PPM1H: variants seen among roughly 807,000 people sequenced by gnomAD.
PPM1H encodes protein phosphatase 1H.
A neutral mutation model predicts 54.9 loss-of-function variants in PPM1H; 27 were observed. The ratio of observed to expected loss-of-function variants is 0.49; its 90% CI spans 0.36 to 0.68. PPM1H has a LOEUF of 0.68. Ranked by LOEUF, PPM1H falls within the 30% of genes least tolerant of loss-of-function variation. PPM1H has a pLI of 0.00. For missense variants in PPM1H, 596 were observed against 667.8 expected, an observed-to-expected ratio of 0.89 and a Z score of 1.19; for synonymous variants, 305 against 270.8, an observed-to-expected ratio of 1.13 and a Z score of -1.24.
At chr12:62,669,404 T>C (rs531463253) in intron 8 of PPM1H, among the ~76,000 whole-genome samples, 2 of 152,316 alleles carry the variant, frequency 1.3e-5, no homozygotes, top group East Asian at 3.9e-4. Context: ...TACAATTCAG[T>C]TCCGGGTGGG....
chr12:62,797,739 A>G (rs1055273575), intron 3 of PPM1H, among the ~76,000 whole-genome samples: 3 of 152,222 alleles, frequency 2.0e-5, no homozygotes, highest in Middle Eastern at 3.2e-3. Context: ...TGTGCTGTGG[A>G]TTCTGAAGCT....
At chr12:62,705,475 G>T (rs1259130015) in intron 6 of PPM1H, among the ~76,000 whole-genome samples, 1 of 152,174 alleles carries the variant, frequency 6.6e-6, no homozygotes, top group Non-Finnish European at 1.5e-5. Context: ...TGATTCGTAG[G>T]CTGAGTTCAG....
intron 4 of PPM1H, among the ~76,000 whole-genome samples, chr12:62,760,437 C>T (rs12579963): frequency 0.16 from 23,638 of 152,092 alleles, 2,244 homozygotes; most frequent in African/African-American, 0.27. Flanking sequence ...TCGCTCCCTG[C>T]CAGGTTGAAT....
chr12:62,796,730 TC>T (rs1478905305), intron 3 of PPM1H, among the ~76,000 whole-genome samples: 1 of 152,194 alleles, frequency 6.6e-6, no homozygotes, highest in East Asian at 1.9e-4. Context: ...TCAGCCCTTC[TC>T]CCCTCTCATG....
Position 62,832,311 on chromosome 12 carries a change from A to C in PPM1H, c.246-32T>G, listed in dbSNP as rs1266863396. On this transcript the variant is annotated intron_variant, in intron 1 of 9. Coordinates refer to ENST00000228705, the MANE Select transcript of PPM1H (RefSeq NM_020700.2). ...AAGAAGCCGGAAAAGCTGGTCAGACAGACCGATAAAGCTGAGGGCACAGTC... is the reference window on the plus strand; with the variant it reads ...AAGAAGCCGGAAAAGCTGGTCAGACCGACCGATAAAGCTGAGGGCACAGTC... 4.4e-6 allele frequency: 7 copies of C among 1,575,590 alleles called. No homozygotes were observed. In the Admixed American group the frequency reaches 7.3e-5, roughly 17 times the overall value.
At chr12:62,799,669 G>C (rs911756986) in intron 3 of PPM1H, among the ~76,000 whole-genome samples, 1 of 152,086 alleles carries the variant, frequency 6.6e-6, no homozygotes, top group Non-Finnish European at 1.5e-5. Context: ...CAGCCTCCTG[G>C]TATTTTCATT....
chr12:62,830,463 G>T (rs1868340174), intron 2 of PPM1H, among the ~76,000 whole-genome samples: 1 of 152,110 alleles, frequency 6.6e-6, no homozygotes, highest in South Asian at 2.1e-4. Flanking sequence ...CACTGTGTTA[G>T]CCAGGATGGT....
chr12:62,744,997 A>G (rs2076402220), intron 4 of PPM1H, among the ~76,000 whole-genome samples: 1 of 152,086 alleles, frequency 6.6e-6, no homozygotes, highest in African/African-American at 2.4e-5. Flanking sequence ...TCCTATGGGG[A>G]AAAATGGAAG....
chr12:62,707,222 T>C (rs996951923), intron 6 of PPM1H, among the ~76,000 whole-genome samples: 2 of 152,176 alleles, frequency 1.3e-5, no homozygotes, highest in African/African-American at 4.8e-5. Flanking sequence ...GCCTGGACTA[T>C]CCAGGTTATG....
At chr12:62,889,851 G>A (rs918615153) in intron 1 of PPM1H, among the ~76,000 whole-genome samples, 22 of 152,110 alleles carry the variant, frequency 1.4e-4, no homozygotes, top group African/African-American at 2.9e-4. Flanking sequence ...GAAAATCTAC[G>A]TGGCCTTGAG....
chr12:62,871,293 A>AC (rs1869968699), intron 1 of PPM1H, among the ~76,000 whole-genome samples: 1 of 151,978 alleles, frequency 6.6e-6, no homozygotes, highest in African/African-American at 2.4e-5. Flanking sequence ...GACAAAAAAA[A>AC]CGATGTTATA....
At chr12:62,755,594 C>T (rs2076468763) in intron 4 of PPM1H, 1 of 657,330 alleles carries the variant, frequency 1.5e-6, no homozygotes, top group South Asian at 1.7e-5. Flanking sequence ...ATCTCTGCCC[C>T]TTCTGCTGAC....
chr12:62,654,497 C>G (rs749649393), intron 9 of PPM1H, among the ~76,000 whole-genome samples: 1 of 152,132 alleles, frequency 6.6e-6, no homozygotes, highest in Non-Finnish European at 1.5e-5. Context: ...GGAGAAGAAA[C>G]GCAAATCATG....
intron 4 of PPM1H, among the ~76,000 whole-genome samples, chr12:62,741,060 G>T (rs962638726): frequency 2.6e-5 from 4 of 152,088 alleles, no homozygotes; most frequent in South Asian, 4.1e-4. Flanking sequence ...ACTTAATAAG[G>T]TTCAAAATTA....
At chr12:62,718,682 C>T (rs1465438492) in intron 6 of PPM1H, among the ~76,000 whole-genome samples, 1 of 152,184 alleles carries the variant, frequency 6.6e-6, no homozygotes, top group Non-Finnish European at 1.5e-5. Flanking sequence ...CCAAACTCTA[C>T]AGTTCCCAGA....
rs1262867775 is a variant in PPM1H, at chr12:62,934,526, TCTC to T, written c.208_210del (p.Glu70del). 1 of 1,549,968 alleles carries T rather than the reference TCTC, an allele frequency of 6.5e-7. No individual in the cohort carries two copies. Among genetic ancestry groups the T allele is most frequent in the Admixed American group, 2.0e-5 (1 of 51,110 alleles). On this transcript the variant is annotated inframe_deletion, in exon 1 of 10. Transcript: ENST00000228705. This position sits in a 1 kb window ranked among gnomAD's most constrained non-coding sequence, Gnocchi z 4.2. The stretch of plus-strand genomic sequence containing the variant: ...CCAGTGGCCCAGGGCAGCCGCCGAG[TCTC>T]CTTGAGGATGAGGATGGGGCGGGCG...
At position 62,681,401 on chromosome 12, in the gene PPM1H, C is replaced by T. The variant is rs114201380; in HGVS notation, c.1245+8298G>A. Among the ~76,000 whole-genome samples the T allele has an allele frequency of 5.0e-3, 757 of 152,234 alleles. 17 individuals carry two copies. The highest frequency in any genetic ancestry group is 0.017 in the African/African-American group (720 of 41,538). On this transcript the variant is annotated intron_variant, in intron 8 of 9. Transcript: ENST00000228705. ...GCTCCTCACTGCCACAGTCTCAGTC[C>T]TGCAATGACTGCCCTGTCTGCAGCT...
intron 1 of PPM1H, among the ~76,000 whole-genome samples, chr12:62,921,230 T>C (rs1871790171): frequency 6.6e-6 from 1 of 152,112 alleles, no homozygotes; most frequent in Admixed American, 6.6e-5. Context: ...CGCCCGTTCA[T>C]ATTTTCATTT....
intron 4 of PPM1H, among the ~76,000 whole-genome samples, chr12:62,745,363 ACT>A (rs2076404668): frequency 1.3e-5 from 2 of 152,142 alleles, no homozygotes; most frequent in Non-Finnish European, 2.9e-5. Context: ...CACCTGGTTA[ACT>A]TTTCTTTATA....
Sources: allele counts gnomAD v4.1 joint callset (sites outside exome capture counted in the v4.1 genomes callset), GRCh38; gene constraint gnomAD v4.1.1; non-coding constraint Gnocchi (gnomAD v3.1); transcripts MANE v1.5; gene names NCBI Gene and HGNC (gene_info 2026-07-23, HGNC 2026-07-21).